Variants in SAMD4A observed in about 807,000 individuals in gnomAD.
SAMD4A encodes sterile alpha motif domain containing 4A.
Under a neutral mutation model 81.3 loss-of-function variants are expected in SAMD4A, and 33 were observed. That is an observed-to-expected ratio of 0.41 (90% CI 0.31 to 0.54). SAMD4A has a LOEUF of 0.54. SAMD4A is among the 20% of genes least tolerant of loss of function. The pLI is 0.37. For synonymous variants in SAMD4A, 389 were observed against 382.1 expected (o/e 1.02, Z -0.21); for missense variants, 854 against 951.1 (o/e 0.90, Z 1.34).
At chr14:54,715,942 G>A (rs1566600525) in intron 3 of SAMD4A, among the ~76,000 whole-genome samples, 2 of 152,086 alleles carry the variant, frequency 1.3e-5, no homozygotes, top group African/African-American at 4.8e-5. Context: ...AGTTATAAAT[G>A]TGGATTCTAA....
chr14:54,667,304 G>T (rs2035777976), intron 2 of SAMD4A, among the ~76,000 whole-genome samples: 3 of 152,164 alleles, frequency 2.0e-5, no homozygotes, highest in Admixed American at 2.0e-4. Context: ...CTTGAAAATG[G>T]AAATGATAAT....
rs368232245 is a variant in SAMD4A, at chr14:54,760,503, T to G, written c.1510+9T>G. ...ACGCGTCATGGGGAAAGGTAGAGCCTCATTCGCCCATTTCTTTTTTCTTCT... is the reference window on the plus strand; with the variant it reads ...ACGCGTCATGGGGAAAGGTAGAGCCGCATTCGCCCATTTCTTTTTTCTTCT... On this transcript the variant is annotated intron_variant, in intron 7 of 12. Coordinates refer to ENST00000554335, the MANE Select transcript of SAMD4A (RefSeq NM_015589.6). 17 of 1,384,896 alleles carry G rather than the reference T, an allele frequency of 1.2e-5. No homozygotes were observed. Among genetic ancestry groups the G allele is most frequent in the Middle Eastern group, 1.9e-4 (1 of 5,404 alleles). 85.8% of individuals were successfully genotyped at this position (1,384,896 alleles called of 1,614,324 possible). A position where few individuals can be genotyped will look rare whatever the true frequency, so the allele number is the denominator to read the frequency against.
intron 6 of SAMD4A, among the ~76,000 whole-genome samples, chr14:54,754,087 G>A (rs542410258): frequency 1.9e-4 from 29 of 152,286 alleles, no homozygotes; most frequent in African/African-American, 6.5e-4. Flanking sequence ...CTGAGGAAGC[G>A]CACCCACCTG....
intron 2 of SAMD4A, 119 bp downstream of exon 2, chr14:54,568,231 G>A: frequency 2.1e-6 from 2 of 971,572 alleles, no homozygotes; most frequent in East Asian, 3.3e-5. Context: ...GACCTGGACG[G>A]CGTGGCCCCG....
At position 54,775,134 on chromosome 14, in the gene SAMD4A, A is replaced by C; in HGVS notation, c.1916A>C (p.Gln639Pro). 1.2e-6 allele frequency: 2 copies of C among 1,614,222 alleles called. No homozygotes were observed. Among genetic ancestry groups the C allele is most frequent in the Non-Finnish European group, 1.7e-6 (2 of 1,180,034 alleles). The change falls in exon 10 of 13, where the codon CAG (glutamine) becomes CCG (proline). Residue 639 changes from glutamine (Q) to proline (P), a missense_variant and splice_region_variant. Around this residue, in one of 3 missense-constraint regions of SAMD4A, gnomAD observed 428 missense variants for 471.2 expected, o/e 0.91. Coordinates refer to ENST00000554335, the MANE Select transcript of SAMD4A (RefSeq NM_015589.6). Reference sequence around the variant, plus strand: ...CCCACCATCATGAAACAAGGAAGACAGGTTTGTTCTGCCCCAAGGAAGGAG... The same window carrying C: ...CCCACCATCATGAAACAAGGAAGACCGGTTTGTTCTGCCCCAAGGAAGGAG... ...ATPTIMKQGR[Q>P]NLWFANPGGS...
chr14:54,619,400 C>T (rs1458081937), intron 2 of SAMD4A, among the ~76,000 whole-genome samples: 1 of 152,144 alleles, frequency 6.6e-6, no homozygotes, highest in Admixed American at 6.5e-5. Context: ...TAGTGCTCAG[C>T]CCATTTCACA....
intron 4 of SAMD4A, among the ~76,000 whole-genome samples, chr14:54,748,267 A>G (rs6572973): frequency 0.88 from 133,471 of 152,256 alleles, 58,646 homozygotes; most frequent in African/African-American, 0.93. Context: ...GCTAGGAATG[A>G]GTGACTCCAC....
At chr14:54,617,206 A>G (rs1282965069) in intron 2 of SAMD4A, among the ~76,000 whole-genome samples, 1 of 152,228 alleles carries the variant, frequency 6.6e-6, no homozygotes, top group Non-Finnish European at 1.5e-5. Flanking sequence ...TCCTTGAAAT[A>G]ATGTATTCGT....
chr14:54,637,877 C>T (rs1189618975), intron 2 of SAMD4A, among the ~76,000 whole-genome samples: 3 of 152,128 alleles, frequency 2.0e-5, no homozygotes, highest in Non-Finnish European at 2.9e-5. Context: ...CTCTTGAATT[C>T]GTGAAATTTT....
intron 2 of SAMD4A, among the ~76,000 whole-genome samples, chr14:54,640,870 C>A (rs1325932086): frequency 2.0e-5 from 3 of 152,186 alleles, no homozygotes. Context: ...TACTGGCCTT[C>A]CCCTTACACA....
intron 2 of SAMD4A, among the ~76,000 whole-genome samples, chr14:54,677,400 C>T (rs900056310): frequency 6.6e-6 from 1 of 152,192 alleles, no homozygotes; most frequent in East Asian, 1.9e-4. Context: ...CTCCTCCACG[C>T]ACATAGTATT....
At chr14:54,704,613 C>A (rs187398008) in intron 3 of SAMD4A, among the ~76,000 whole-genome samples, 26 of 152,240 alleles carry the variant, frequency 1.7e-4, no homozygotes, top group African/African-American at 6.3e-4. Context: ...GACCTCTGAA[C>A]CCCTATGTAA....
rs2036316902 is a variant in SAMD4A at position 54,687,832 on chromosome 14, T to G, written c.197-14230T>G. On this transcript the variant is annotated intron_variant, in intron 2 of 12. Transcript: ENST00000554335. Reference sequence around the variant, plus strand: ...TGTTAAATGTTTGAGATGTGACATGTAAGATAAGTGGAGGGAGCGTGATGT... The same window carrying G: ...TGTTAAATGTTTGAGATGTGACATGGAAGATAAGTGGAGGGAGCGTGATGT... The G allele has an allele frequency of 1.4e-5, 4 of 286,034 alleles. No homozygotes were observed. In the South Asian group the frequency reaches 5.4e-4, roughly 39 times the overall value. The allele number at this position is 286,034 out of a possible 1,614,324, so 17.7% of individuals were successfully genotyped here.
intron 2 of SAMD4A, among the ~76,000 whole-genome samples, chr14:54,628,916 T>G (rs2034829121): frequency 6.6e-6 from 1 of 152,068 alleles, no homozygotes; most frequent in Admixed American, 6.5e-5. Flanking sequence ...TAGTTTTGGT[T>G]TTTTTTTAAA....
intron 11 of SAMD4A, among the ~76,000 whole-genome samples, chr14:54,782,806 CA>C (rs1372783784): frequency 6.6e-6 from 1 of 152,222 alleles, no homozygotes; most frequent in African/African-American, 2.4e-5. Context: ...TCAAGGAAAA[CA>C]AAACTTTGAC....
intron 9 of SAMD4A, among the ~76,000 whole-genome samples, chr14:54,770,450 AT>A (rs1322615372): frequency 6.6e-6 from 1 of 152,240 alleles, no homozygotes; most frequent in Non-Finnish European, 1.5e-5. Flanking sequence ...CACAGTTTGC[AT>A]TGTCAAAATG....
intron 2 of SAMD4A, among the ~76,000 whole-genome samples, chr14:54,580,371 C>T (rs1164193789): frequency 6.6e-6 from 1 of 152,164 alleles, no homozygotes. Context: ...CACAATAAAG[C>T]ACAGTTTGTT....
At chr14:54,613,444 T>C (rs541053637) in intron 2 of SAMD4A, among the ~76,000 whole-genome samples, 1 of 152,318 alleles carries the variant, frequency 6.6e-6, no homozygotes, top group Admixed American at 6.5e-5. Flanking sequence ...TGAACAGTCC[T>C]GATGTAATAA....
intron 8 of SAMD4A, among the ~76,000 whole-genome samples, chr14:54,767,946 A>G (rs142621112): frequency 3.9e-5 from 6 of 152,328 alleles, no homozygotes; most frequent in African/African-American, 9.6e-5. Context: ...CCCGCTGCCC[A>G]TTGAGGTGCT....
Sources: allele counts gnomAD v4.1 joint callset (sites outside exome capture counted in the v4.1 genomes callset), GRCh38; gene constraint gnomAD v4.1.1; regional missense constraint gnomAD v4.1.1; transcripts MANE v1.5; gene names NCBI Gene and HGNC (gene_info 2026-07-23, HGNC 2026-07-21).